Variants in ROBO1 observed in about 807,000 individuals in gnomAD.
ROBO1 encodes roundabout guidance receptor 1.
A neutral mutation model predicts 195.9 loss-of-function variants in ROBO1; 149 were observed. That is an observed-to-expected ratio of 0.76 (90% CI 0.67 to 0.87). The LOEUF (loss-of-function observed/expected upper bound fraction) is 0.87. ROBO1 is among the 40% of genes least tolerant of loss of function. ROBO1 has a pLI of 0.00. For synonymous variants in ROBO1, 816 were observed against 733.2 expected (o/e 1.11, Z -1.82); for missense variants, 1,933 against 2,068.3 (o/e 0.93, Z 1.27).
intron 3 of ROBO1, among the ~76,000 whole-genome samples, chr3:78,972,112 T>C (rs1406560201): frequency 6.6e-6 from 1 of 152,178 alleles, no homozygotes; most frequent in Non-Finnish European, 1.5e-5. Context: ...ACATTCCTTA[T>C]AAATAGTCAT....
intron 3 of ROBO1, chr3:79,018,656 G>A (rs1576575267): frequency 2.1e-6 from 3 of 1,404,172 alleles, no homozygotes; most frequent in Non-Finnish European, 1.9e-6. Context: ...CTTTTGCAGA[G>A]GAAGAATTCC....
intron 4 of ROBO1, among the ~76,000 whole-genome samples, chr3:78,824,956 G>A (rs1251007494): frequency 1.3e-5 from 2 of 151,924 alleles, no homozygotes; most frequent in East Asian, 3.9e-4. Context: ...CTTCACAAAG[G>A]TATTCCTTTC....
Position 78,651,937 on chromosome 3 carries a change from G to C in ROBO1, c.2615-8C>G. ...CAGGGTTTCCATGGGCATCTGAAAAGTCATCTTCCGATTAATTTGGGTTGA... is the reference window on the plus strand; with the variant it reads ...CAGGGTTTCCATGGGCATCTGAAAACTCATCTTCCGATTAATTTGGGTTGA... On this transcript the variant is annotated splice_polypyrimidine_tract_variant and splice_region_variant and intron_variant, in intron 18 of 30. Coordinates refer to ENST00000464233, the MANE Select transcript of ROBO1 (RefSeq NM_002941.4). 6.2e-7 allele frequency: 1 copy of C among 1,609,470 alleles called. No individual in the cohort carries two copies. Among genetic ancestry groups the C allele is most frequent in the Non-Finnish European group, 8.5e-7 (1 of 1,177,458 alleles).
chr3:79,193,615 A>G (rs988194296), intron 2 of ROBO1, among the ~76,000 whole-genome samples: 1 of 146,894 alleles, frequency 6.8e-6, no homozygotes, highest in African/African-American at 2.5e-5. Flanking sequence ...GTATCAGAAA[A>G]GTAGAAATCG....
chr3:79,248,733 A>G (rs2082670391), intron 2 of ROBO1, among the ~76,000 whole-genome samples: 1 of 152,288 alleles, frequency 6.6e-6, no homozygotes, highest in East Asian at 1.9e-4. Context: ...GTGATAGAAT[A>G]GAGTAACATA....
At chr3:79,452,252 T>C (rs2039467149) in intron 2 of ROBO1, among the ~76,000 whole-genome samples, 1 of 152,090 alleles carries the variant, frequency 6.6e-6, no homozygotes, top group Non-Finnish European at 1.5e-5. Flanking sequence ...CTTAAATAAA[T>C]ACAAAGTTTT....
intron 3 of ROBO1, among the ~76,000 whole-genome samples, chr3:78,999,789 G>A (rs924558917): frequency 6.6e-6 from 1 of 152,100 alleles, no homozygotes; most frequent in African/African-American, 2.4e-5. Flanking sequence ...AATTATTGAT[G>A]GTTTCTTCAG....
intron 3 of ROBO1, chr3:79,018,294 C>T: frequency 8.1e-7 from 1 of 1,231,978 alleles, no homozygotes; most frequent in Non-Finnish European, 1.2e-6. Flanking sequence ...AATCGAGCCC[C>T]TCCGGCCTTA....
At chr3:79,086,999 G>T (rs2079382685) in intron 3 of ROBO1, among the ~76,000 whole-genome samples, 1 of 151,924 alleles carries the variant, frequency 6.6e-6, no homozygotes, top group South Asian at 2.1e-4. Context: ...GGAACATTTT[G>T]ATATGTACCT....
chr3:79,000,198 C>T (rs780920097), intron 3 of ROBO1, among the ~76,000 whole-genome samples: 1 of 152,090 alleles, frequency 6.6e-6, no homozygotes, highest in Non-Finnish European at 1.5e-5. Flanking sequence ...CTTCACATGG[C>T]AGCAGCAAGG....
intron 4 of ROBO1, among the ~76,000 whole-genome samples, chr3:78,910,957 G>A (rs2038208600): frequency 6.6e-6 from 1 of 151,884 alleles, no homozygotes; most frequent in African/African-American, 2.4e-5. Flanking sequence ...TGGGAGTGAG[G>A]CCTAGCAATC....
chr3:78,668,225 T>C lies in ROBO1; in HGVS notation c.1708A>G (p.Thr570Ala). The change falls in exon 13 of 31, where the codon ACA becomes GCA. Residue 570 changes from threonine (T) to alanine (A), a missense_variant. Thr to Ala is a moderately conservative substitution (Grantham distance 58, BLOSUM62 0). Around this residue, in one of 3 missense-constraint regions of ROBO1, gnomAD observed 1,737 missense variants for 1,882.5 expected, o/e 0.92. Coordinates refer to ENST00000464233, the MANE Select transcript of ROBO1 (RefSeq NM_002941.4). ...IPSAPSKPEVTDVSRNTVTLS... is the reference protein window; with the variant it reads ...IPSAPSKPEVADVSRNTVTLS... ...GTGACTGTATTTCTGCTGACATCTG[T>C]CACTTCAGGTTTTGATGGGGCACTA... The C allele has an allele frequency of 6.2e-7, 1 of 1,613,590 alleles. No individual in the cohort carries two copies. The highest frequency in any genetic ancestry group is 1.1e-5 in the South Asian group (1 of 91,082).
At chr3:79,409,902 C>T (rs747220455) in intron 2 of ROBO1, among the ~76,000 whole-genome samples, 8 of 152,108 alleles carry the variant, frequency 5.3e-5, no homozygotes, top group Non-Finnish European at 7.4e-5. Context: ...CTCACCTCAA[C>T]TTTCAATTTT....
chr3:79,498,498 G>A (rs1424282965), intron 2 of ROBO1, among the ~76,000 whole-genome samples: 3 of 152,108 alleles, frequency 2.0e-5, no homozygotes, highest in South Asian at 2.1e-4. Flanking sequence ...TCTGTAATTC[G>A]ACAGTATACC....
chr3:79,057,763 G>A (rs1393773589), intron 3 of ROBO1, among the ~76,000 whole-genome samples: 1 of 151,890 alleles, frequency 6.6e-6, no homozygotes, highest in East Asian at 1.9e-4. Context: ...TTCTTATTGG[G>A]CTTATGTGCC....
intron 5 of ROBO1, among the ~76,000 whole-genome samples, chr3:78,728,869 A>C (rs2082223445): frequency 6.6e-6 from 1 of 152,194 alleles, no homozygotes; most frequent in African/African-American, 2.4e-5. Context: ...ACATACACAC[A>C]AGAGAACATG....
At chr3:78,725,125 T>C (rs1048831865) in intron 5 of ROBO1, among the ~76,000 whole-genome samples, 10 of 152,080 alleles carry the variant, frequency 6.6e-5, no homozygotes, top group Non-Finnish European at 1.3e-4. Context: ...CCTTCCTCAT[T>C]ACCATATACC....
intron 26 of ROBO1, among the ~76,000 whole-genome samples, chr3:78,621,503 A>T (rs1357582660): frequency 6.6e-6 from 1 of 152,142 alleles, no homozygotes; most frequent in Non-Finnish European, 1.5e-5. Flanking sequence ...AACTACAACC[A>T]CCCTTTACAA....
rs1702893575 is a variant in ROBO1, at chr3:78,597,504, C to A, written c.*1409G>T. ...GTTTGGCTTTGTTTTCCACTGGGGT[C>A]AGACCTGATACTTATCTATCTATGA... On this transcript the variant is annotated 3_prime_UTR_variant, in exon 31 of 31. Transcript: ENST00000464233. 6.6e-6 allele frequency: 1 copy of A among 152,394 alleles called. No homozygotes were observed. Among genetic ancestry groups the A allele is most frequent in the African/African-American group, 2.4e-5 (1 of 41,358 alleles). 9.4% of individuals were successfully genotyped at this position (152,394 alleles called of 1,614,324 possible).
Sources: gnomAD v4.1 joint callset for allele counts (sites outside exome capture counted in the v4.1 genomes callset) on GRCh38, gnomAD v4.1.1 for gene constraint, gnomAD v4.1.1 regional missense constraint, MANE v1.5 for transcripts, NCBI Gene and HGNC (gene_info 2026-07-23, HGNC 2026-07-21) for gene names.